RANBP2: variants seen among roughly 807,000 people sequenced by gnomAD.
RANBP2 encodes RAN binding protein 2, also known as E3 SUMO-protein ligase RanBP2.
Under a neutral mutation model 303.6 loss-of-function variants are expected in RANBP2, and 57 were observed. The ratio of observed to expected loss-of-function variants is 0.19; its 90% CI spans 0.15 to 0.23. The LOEUF is 0.23. Among genes scored for constraint, RANBP2 ranks in the 10% least tolerant of loss-of-function variants. The probability of loss-of-function intolerance (pLI) is 1.00; values close to 1 mark genes in which losing one functional copy is unlikely to be tolerated. For synonymous variants in RANBP2, 1,167 were observed against 1,301.5 expected, an observed-to-expected ratio of 0.90 and a Z score of 2.23; for missense variants, 3,138 against 3,780.8, an observed-to-expected ratio of 0.83 and a Z score of 4.46.
chr2:109,129,124 C>T, the RANBP2 span: 2 of 347,842 alleles, frequency 5.7e-6, no homozygotes, highest in South Asian at 4.2e-5. Context: ...CACGCCGCGC[C>T]CCGGCCTCCC....
chr2:109,742,623 AT>A, the RANBP2 span, among the ~76,000 whole-genome samples: 1 of 146,746 alleles, frequency 6.8e-6, no homozygotes, highest in Non-Finnish European at 1.5e-5. Flanking sequence ...ATCCAATACA[AT>A]CCTAATAAAA....
chr2:108,789,578 G>C (rs1017768361), downstream of RANBP2, among the ~76,000 whole-genome samples: 3 of 152,098 alleles, frequency 2.0e-5, no homozygotes, highest in Admixed American at 1.3e-4. Context: ...TGGGTGATGA[G>C]CAAAACTGTC....
the RANBP2 span, among the ~76,000 whole-genome samples, chr2:109,685,419 G>A: frequency 6.6e-6 from 1 of 152,214 alleles, no homozygotes; most frequent in Non-Finnish European, 1.5e-5. Flanking sequence ...TGTAGAGGTT[G>A]TACCAGTTTA....
chr2:109,115,078 G>A, the RANBP2 span, among the ~76,000 whole-genome samples: 1 of 152,188 alleles, frequency 6.6e-6, no homozygotes, highest in Non-Finnish European at 1.5e-5. Flanking sequence ...TGGAATAGGT[G>A]TGGTGTGGTG....
At chr2:108,811,243 C>CTT in the RANBP2 span, among the ~76,000 whole-genome samples, 1 of 28,698 alleles carries the variant, frequency 3.5e-5, no homozygotes, top group African/African-American at 1.5e-4. Context: ...TTCTTTCTCT[C>CTT]TCTCTTTTTT....
chr2:109,408,156 A>T, the RANBP2 span, among the ~76,000 whole-genome samples: 1 of 152,250 alleles, frequency 6.6e-6, no homozygotes, highest in Middle Eastern at 3.4e-3. Flanking sequence ...GCAGGGATCC[A>T]CAGAGGGTTG....
At chr2:109,514,552 A>G in the RANBP2 span, among the ~76,000 whole-genome samples, 1 of 152,136 alleles carries the variant, frequency 6.6e-6, no homozygotes, top group Admixed American at 6.5e-5. Context: ...GCCGCAGGGA[A>G]GCCCTGGTGT....
the RANBP2 span, among the ~76,000 whole-genome samples, chr2:109,284,440 C>G: frequency 6.6e-6 from 1 of 152,096 alleles, no homozygotes; most frequent in African/African-American, 2.4e-5. Flanking sequence ...TGGTCTAGGG[C>G]GTGTGGACTG....
chr2:108,985,387 C>T, the RANBP2 span, among the ~76,000 whole-genome samples: 6 of 152,306 alleles, frequency 3.9e-5, no homozygotes, highest in African/African-American at 9.6e-5. Flanking sequence ...TCTGATTGAC[C>T]GTGAAGTGAG....
the RANBP2 span, among the ~76,000 whole-genome samples, chr2:109,172,026 G>T: frequency 3.3e-5 from 5 of 152,370 alleles, no homozygotes; most frequent in East Asian, 7.7e-4. Context: ...GCCCAGCACT[G>T]TGGGCTCCAT....
the RANBP2 span, among the ~76,000 whole-genome samples, chr2:109,082,146 A>T: frequency 6.6e-6 from 1 of 152,208 alleles, no homozygotes; most frequent in African/African-American, 2.4e-5. Context: ...GTGTGCAGCT[A>T]ATCAACAGTT....
At chr2:109,418,807 G>A in the RANBP2 span, among the ~76,000 whole-genome samples, 1 of 152,142 alleles carries the variant, frequency 6.6e-6, no homozygotes, top group African/African-American at 2.4e-5. Context: ...GGAAGGCCAG[G>A]GCAGGGCGAG....
the RANBP2 span, among the ~76,000 whole-genome samples, chr2:109,005,034 C>T: frequency 1.3e-5 from 2 of 152,174 alleles, no homozygotes; most frequent in Non-Finnish European, 2.9e-5. Flanking sequence ...TTCATATAAT[C>T]TCTCACACCT....
At chr2:108,815,461 GTTTTTTT>G in the RANBP2 span, among the ~76,000 whole-genome samples, 3 of 70,700 alleles carry the variant, frequency 4.2e-5, no homozygotes, top group Non-Finnish European at 7.5e-5. Context: ...GGTTTTTGGT[GTTTTTTT>G]TTTTTTTTTT....
At chr2:108,802,227 C>T in the RANBP2 span, among the ~76,000 whole-genome samples, 1 of 111,658 alleles carries the variant, frequency 9.0e-6, no homozygotes, top group African/African-American at 3.9e-5. Flanking sequence ...GGCAGTATGG[C>T]CATTTTCACG....
the RANBP2 span, among the ~76,000 whole-genome samples, chr2:109,321,706 C>A: frequency 6.6e-6 from 1 of 152,224 alleles, no homozygotes; most frequent in Non-Finnish European, 1.5e-5. Context: ...CAACCCTGGC[C>A]CCCTGCCGTG....
chr2:108,874,371 C>T, the RANBP2 span, among the ~76,000 whole-genome samples: 1 of 152,216 alleles, frequency 6.6e-6, no homozygotes, highest in Non-Finnish European at 1.5e-5. Flanking sequence ...GACTCAGAAA[C>T]TTGTATAACC....
At chr2:108,747,642 A>G (rs902367025) in intron 8 of RANBP2, among the ~76,000 whole-genome samples, 2 of 151,792 alleles carry the variant, frequency 1.3e-5, no homozygotes, top group African/African-American at 4.8e-5. Flanking sequence ...GTGGTGTCAC[A>G]GTTAGATAAA....
At chr2:109,418,868 G>A in the RANBP2 span, among the ~76,000 whole-genome samples, 3 of 152,148 alleles carry the variant, frequency 2.0e-5, no homozygotes, top group African/African-American at 7.2e-5. Flanking sequence ...GCATGGGCTG[G>A]GACTAAGGAT....
Sources: allele counts gnomAD v4.1 joint callset (sites outside exome capture counted in the v4.1 genomes callset), GRCh38; gene constraint gnomAD v4.1.1; transcripts MANE v1.5; gene names NCBI Gene and HGNC (gene_info 2026-07-23, HGNC 2026-07-21).